The following PRKCH variants were observed in gnomAD, a reference collection of about 807,000 sequenced individuals.
PRKCH encodes the protein protein kinase C eta type.
PRKCH carries 28 observed loss-of-function variants against 82.5 expected under a neutral mutation model. That is an observed-to-expected ratio of 0.34 (90% CI 0.25 to 0.47). PRKCH has a LOEUF of 0.47. PRKCH is among the 20% of genes least tolerant of loss of function. PRKCH has a pLI of 1.00. For missense variants in PRKCH, 705 were observed against 881.8 expected, an observed-to-expected ratio of 0.80 and a Z score of 2.54; for synonymous variants, 322 against 327.4, an observed-to-expected ratio of 0.98 and a Z score of 0.18.
chr14:61,451,822 G>A (rs1027037618), intron 6 of PRKCH, among the ~76,000 whole-genome samples: 8 of 152,214 alleles, frequency 5.3e-5, no homozygotes, highest in Admixed American at 1.3e-4. Flanking sequence ...TCCATTGACT[G>A]CTTGGACTTA....
At chr14:61,366,798 G>T (rs1473304093) in intron 1 of PRKCH, among the ~76,000 whole-genome samples, 2 of 151,972 alleles carry the variant, frequency 1.3e-5, no homozygotes, top group Admixed American at 1.3e-4. Flanking sequence ...GTGGCCAGAG[G>T]CTTCAAGGCA....
Position 61,428,076 on chromosome 14 carries a change from T to TAGATAGATAGATAGATAC in PRKCH, c.428-15034_428-15033insGATAGATAGATAGATACA, listed in dbSNP as rs377250538. On this transcript the variant is annotated intron_variant, in intron 2 of 13. Coordinates refer to ENST00000332981, the MANE Select transcript of PRKCH (RefSeq NM_006255.5). ...ATAGATAGATAGATAGATAGATAGA[T>TAGATAGATAGATAGATAC]ACACACACACACACACACACATATA... Among the ~76,000 whole-genome samples the TAGATAGATAGATAGATAC allele has an allele frequency of 8.1e-3, 1,021 of 126,136 alleles. 9 individuals are homozygous for TAGATAGATAGATAGATAC. Among genetic ancestry groups the TAGATAGATAGATAGATAC allele is most frequent in the East Asian group, 0.025 (106 of 4,186 alleles). The allele number at this position is 126,136 out of a possible 152,430, so 82.8% of individuals were successfully genotyped here.
At chr14:61,499,335 A>G (rs1201962197) in intron 10 of PRKCH, among the ~76,000 whole-genome samples, 1 of 152,158 alleles carries the variant, frequency 6.6e-6, no homozygotes, top group Non-Finnish European at 1.5e-5. Context: ...TTTTGGTGAA[A>G]ATGCTCACAC....
chr14:61,416,888 C>T (rs1264491994), intron 2 of PRKCH, among the ~76,000 whole-genome samples: 2 of 152,154 alleles, frequency 1.3e-5, no homozygotes, highest in East Asian at 1.9e-4. Context: ...AAGGGCTTAG[C>T]GGTCCTGTCT....
rs73307077 is a variant in PRKCH, at chr14:61,520,834, T to A, written c.1434-8241T>A. Among the ~76,000 whole-genome samples, 522 of 152,336 alleles carry A rather than the reference T, an allele frequency of 3.4e-3. 3 individuals carry two copies. Among genetic ancestry groups the A allele is most frequent in the African/African-American group, 0.012 (507 of 41,580 alleles). Reference sequence around the variant, plus strand: ...CCTTTTGGAAAACAGTTTCTCTACATCTGTTTAAATTTAAAATATTTATGC... The same window carrying A: ...CCTTTTGGAAAACAGTTTCTCTACAACTGTTTAAATTTAAAATATTTATGC... On this transcript the variant is annotated intron_variant, in intron 10 of 13. Coordinates refer to ENST00000332981, the MANE Select transcript of PRKCH (RefSeq NM_006255.5).
chr14:61,430,527 C>T (rs987208216), intron 2 of PRKCH, among the ~76,000 whole-genome samples: 2 of 152,092 alleles, frequency 1.3e-5, no homozygotes, highest in Admixed American at 6.5e-5. Flanking sequence ...TTTGAACAGC[C>T]AGTGGAATAA....
At chr14:61,205,246 T>C (rs2044513377) in intron 1 of PRKCH, among the ~76,000 whole-genome samples, 1 of 152,192 alleles carries the variant, frequency 6.6e-6, no homozygotes, top group East Asian at 1.9e-4. Context: ...GGCTTCATTG[T>C]GTTTAAAGAG....
intron 1 of PRKCH, among the ~76,000 whole-genome samples, chr14:61,216,463 C>G (rs2044617112): frequency 6.6e-6 from 1 of 151,058 alleles, no homozygotes; most frequent in South Asian, 2.1e-4. Context: ...GAGCAAGACT[C>G]TGTCTCAAAA....
chr14:61,293,613 G>C (rs1483852063), intron 1 of PRKCH, among the ~76,000 whole-genome samples: 1 of 152,174 alleles, frequency 6.6e-6, no homozygotes, highest in Non-Finnish European at 1.5e-5. Flanking sequence ...TTAAAAATCA[G>C]AGCTATTTAT....
chr14:61,210,175 A>G (rs925033111), intron 1 of PRKCH, among the ~76,000 whole-genome samples: 1 of 139,908 alleles, frequency 7.1e-6, no homozygotes, highest in Non-Finnish European at 1.6e-5. Flanking sequence ...TTAGCTTGGC[A>G]TAGTGGCAGG....
chr14:61,349,701 A>G (rs1201802343), intron 1 of PRKCH, among the ~76,000 whole-genome samples: 1 of 152,120 alleles, frequency 6.6e-6, no homozygotes, highest in Non-Finnish European at 1.5e-5. Flanking sequence ...TCTCTACTAA[A>G]AATACAAAAA....
intron 1 of PRKCH, among the ~76,000 whole-genome samples, chr14:61,242,551 C>T (rs1412150980): frequency 1.3e-5 from 2 of 152,194 alleles, no homozygotes; most frequent in Non-Finnish European, 2.9e-5. Flanking sequence ...GCGTCTGCCA[C>T]CAGCCCAGCT....
chr14:61,401,817 G>A (rs1198067798), intron 2 of PRKCH, among the ~76,000 whole-genome samples: 3 of 152,232 alleles, frequency 2.0e-5, no homozygotes, highest in Non-Finnish European at 4.4e-5. Flanking sequence ...TCAAGGAAAA[G>A]CACTTGTGTG....
At chr14:61,383,041 T>C (rs2046534603) in intron 1 of PRKCH, among the ~76,000 whole-genome samples, 2 of 152,196 alleles carry the variant, frequency 1.3e-5, no homozygotes, top group South Asian at 4.1e-4. Flanking sequence ...GCCTAACTCC[T>C]GCAAAGTGAT....
chr14:61,416,963 C>T (rs1882591773), intron 2 of PRKCH, among the ~76,000 whole-genome samples: 1 of 152,100 alleles, frequency 6.6e-6, no homozygotes, highest in Non-Finnish European at 1.5e-5. Flanking sequence ...TGCCTTTGTC[C>T]TCAGGTGAAA....
chr14:61,411,918 G>A (rs1000657481), intron 2 of PRKCH, among the ~76,000 whole-genome samples: 1 of 152,202 alleles, frequency 6.6e-6, no homozygotes, highest in Admixed American at 6.5e-5. Flanking sequence ...CAACCAGACT[G>A]GAAAACTTCA....
chr14:61,400,241 CT>C (rs1881538867), intron 2 of PRKCH, among the ~76,000 whole-genome samples: 1 of 152,188 alleles, frequency 6.6e-6, no homozygotes, highest in African/African-American at 2.4e-5. Flanking sequence ...CAGTTACCCC[CT>C]GTATCAACAC....
intron 6 of PRKCH, 80 bp from the exon 7 acceptor site, chr14:61,453,146 G>A: frequency 1.3e-6 from 2 of 1,537,132 alleles, no homozygotes; most frequent in Non-Finnish European, 1.8e-6. Context: ...TAATCTTTTA[G>A]GCTATTAAAG....
intron 10 of PRKCH, among the ~76,000 whole-genome samples, chr14:61,493,527 A>T (rs1273820725): frequency 1.3e-5 from 2 of 152,214 alleles, no homozygotes; most frequent in Admixed American, 1.3e-4. Flanking sequence ...CAGTATTACA[A>T]GTGGCCATGT....
Sources: allele counts gnomAD v4.1 joint callset (sites outside exome capture counted in the v4.1 genomes callset), GRCh38; gene constraint gnomAD v4.1.1; transcripts MANE v1.5; gene names NCBI Gene and HGNC (gene_info 2026-07-23, HGNC 2026-07-21).